The following USP32 variants were observed in gnomAD, a reference collection of about 807,000 sequenced individuals.
USP32 encodes the protein ubiquitin carboxyl-terminal hydrolase 32.
USP32 carries 59 observed loss-of-function variants against 204.8 expected under a neutral mutation model. The ratio of observed to expected loss-of-function variants is 0.29; its 90% CI spans 0.23 to 0.36. USP32 has a LOEUF of 0.36. Ranked by LOEUF, USP32 falls within the 10% of genes least tolerant of loss-of-function variation. The probability of loss-of-function intolerance (pLI) is 1.00; values close to 1 mark genes in which losing one functional copy is unlikely to be tolerated. For synonymous variants in USP32, 517 were observed against 678.4 expected (o/e 0.76, Z 3.70); for missense variants, 1,160 against 1,946.4 (o/e 0.60, Z 7.60).
chr17:60,352,178 T>C (rs1167456194), intron 1 of USP32, among the ~76,000 whole-genome samples: 1 of 152,204 alleles, frequency 6.6e-6, no homozygotes, highest in East Asian at 1.9e-4. Flanking sequence ...CCCTTGCAAC[T>C]AGAAATGGCC....
intron 1 of USP32, among the ~76,000 whole-genome samples, chr17:60,349,261 C>G (rs1240089620): frequency 1.3e-5 from 2 of 150,710 alleles, no homozygotes; most frequent in Non-Finnish European, 3.0e-5. Context: ...ATTTGAAGAA[C>G]TACTTGGTAA....
intron 30 of USP32, among the ~76,000 whole-genome samples, chr17:60,183,899 T>C (rs1273897486): frequency 6.6e-6 from 1 of 152,234 alleles, no homozygotes; most frequent in Non-Finnish European, 1.5e-5. Flanking sequence ...GTGATGATTA[T>C]ATGAAAATAT....
At chr17:60,282,890 G>A (rs970512422) in intron 5 of USP32, among the ~76,000 whole-genome samples, 7 of 152,034 alleles carry the variant, frequency 4.6e-5, no homozygotes, top group African/African-American at 1.4e-4. Flanking sequence ...AATGCATTTC[G>A]TCCACTAAAC....
chr17:60,179,359 A>G lies in USP32; in HGVS notation c.4711T>C (p.Tyr1571His). 6.2e-7 allele frequency: 1 copy of G among 1,613,662 alleles called. No homozygotes were observed. Among genetic ancestry groups the G allele is most frequent in the South Asian group, 1.1e-5 (1 of 91,068 alleles). The change falls in exon 34 of 34, where the codon TAT becomes CAT. Residue 1571 changes from tyrosine to histidine, a missense_variant. Coordinates refer to ENST00000300896, the MANE Select transcript of USP32 (RefSeq NM_032582.4). ...TCAGTCTTTGGCAGAAATTGTGCAT[A>G]GTCTATCCCCTGCTGCTCATAGAAA... ...ILFYEQQGID[Y>H]AQFLPKTDGK...
In USP32 at chr17:60,354,140, A is replaced by T. The variant is rs540773571; in HGVS notation, c.59-8532T>A. Among the ~76,000 whole-genome samples the T allele has an allele frequency of 1.2e-3, 182 of 152,356 alleles. 1 individual carries two copies. Among genetic ancestry groups the T allele is most frequent in the African/African-American group, 4.1e-3 (172 of 41,590 alleles). ...ATTATTACTCATTACATGGTATAAAATATTTCACAATAAACCACAATACTG... is the reference window on the plus strand; with the variant it reads ...ATTATTACTCATTACATGGTATAAATTATTTCACAATAAACCACAATACTG... On this transcript the variant is annotated intron_variant, in intron 1 of 33. Transcript: ENST00000300896.
At chr17:60,277,120 A>G (rs2086858431) in intron 5 of USP32, among the ~76,000 whole-genome samples, 1 of 152,108 alleles carries the variant, frequency 6.6e-6, no homozygotes, top group African/African-American at 2.4e-5. Context: ...AACTTAGTCT[A>G]TTGGCTAAAT....
At chr17:60,273,819 G>T (rs1211139692) in intron 5 of USP32, among the ~76,000 whole-genome samples, 1 of 151,944 alleles carries the variant, frequency 6.6e-6, no homozygotes, top group Non-Finnish European at 1.5e-5. Context: ...AATTAGCTGG[G>T]CGTGGTGGCG....
chr17:60,370,209 A>G (rs1380438600), intron 1 of USP32, among the ~76,000 whole-genome samples: 1 of 152,102 alleles, frequency 6.6e-6, no homozygotes, highest in East Asian at 1.9e-4. Flanking sequence ...AAATAAAAAG[A>G]ATTTTTTTAA....
At chr17:60,277,093 G>A (rs917549123) in intron 5 of USP32, among the ~76,000 whole-genome samples, 1 of 152,166 alleles carries the variant, frequency 6.6e-6, no homozygotes, top group Non-Finnish European at 1.5e-5. Flanking sequence ...TATTTGCAAT[G>A]CATAAGTCAC....
intron 1 of USP32, among the ~76,000 whole-genome samples, chr17:60,389,877 C>CGCCACTATAG (rs2089799581): frequency 6.6e-6 from 1 of 151,184 alleles, no homozygotes; most frequent in Non-Finnish European, 1.5e-5. Flanking sequence ...ATTAGCCGGG[C>CGCCACTATAG]GTGGTGGCGG....
chr17:60,373,125 C>T (rs775018808), intron 1 of USP32, among the ~76,000 whole-genome samples: 22 of 152,086 alleles, frequency 1.4e-4, no homozygotes, highest in Non-Finnish European at 1.8e-4. Context: ...CCCAGGAGCT[C>T]GAGGCTACAG....
intron 26 of USP32, 104 bp downstream of exon 26, chr17:60,205,343 A>G: frequency 7.0e-7 from 1 of 1,424,072 alleles, no homozygotes; most frequent in Non-Finnish European, 9.2e-7. Flanking sequence ...ATTAAAGAAA[A>G]GAAGAGAAGA....
intron 5 of USP32, among the ~76,000 whole-genome samples, chr17:60,287,101 G>T (rs539729524): frequency 6.6e-6 from 1 of 152,164 alleles, no homozygotes; most frequent in Non-Finnish European, 1.5e-5. Flanking sequence ...AGTGAGCCGA[G>T]ATCGCGCCAC....
chr17:60,400,034 G>A (rs1228629292), intron 1 of USP32, among the ~76,000 whole-genome samples: 1 of 151,278 alleles, frequency 6.6e-6, no homozygotes, highest in East Asian at 1.9e-4. Flanking sequence ...GTGTGATCTC[G>A]GCTCACTGCA....
intron 4 of USP32, among the ~76,000 whole-genome samples, chr17:60,294,383 A>AGTGTGTGTGTGTGTGTGT (rs60195146): frequency 0.041 from 5,941 of 146,386 alleles, 145 homozygotes; most frequent in Middle Eastern, 0.067. Context: ...TTCCTGCAGG[A>AGTGTGTGTGTGTGTGTGT]GTGTGTGTGT....
intron 10 of USP32, among the ~76,000 whole-genome samples, chr17:60,254,467 G>A (rs1486354783): frequency 6.6e-6 from 1 of 152,192 alleles, no homozygotes; most frequent in Non-Finnish European, 1.5e-5. Context: ...TTGGGAGGCT[G>A]AGACAGAAGA....
At chr17:60,399,813 G>C (rs1216763777) in intron 1 of USP32, among the ~76,000 whole-genome samples, 1 of 152,190 alleles carries the variant, frequency 6.6e-6, no homozygotes, top group African/African-American at 2.4e-5. Context: ...AAGGAATGAG[G>C]CAAGAGCACA....
intron 2 of USP32, among the ~76,000 whole-genome samples, chr17:60,314,074 C>T (rs1319705592): frequency 7.0e-6 from 1 of 143,466 alleles, no homozygotes; most frequent in Admixed American, 7.0e-5. Context: ...TAAAAAGAAA[C>T]ATGAAACTTT....
At chr17:60,225,401 A>G (rs1421100575) in intron 13 of USP32, among the ~76,000 whole-genome samples, 1 of 152,040 alleles carries the variant, frequency 6.6e-6, no homozygotes, top group African/African-American at 2.4e-5. Context: ...AGGCTGCAGT[A>G]AGCCGTGATT....
Sources: allele counts gnomAD v4.1 joint callset (sites outside exome capture counted in the v4.1 genomes callset), GRCh38; gene constraint gnomAD v4.1.1; transcripts MANE v1.5; gene names NCBI Gene and HGNC (gene_info 2026-07-23, HGNC 2026-07-21).